WDR72: variants seen among roughly 807,000 people sequenced by gnomAD.
The protein encoded by WDR72 is WD repeat domain 72.
In WDR72, 120 loss-of-function variants were observed where a neutral mutation model predicts 124.2. That is an observed-to-expected ratio of 0.97 (90% CI 0.83 to 1.12). WDR72 has a LOEUF of 1.12. Among genes scored for constraint, WDR72 ranks in the 50% most tolerant of loss-of-function variants. The pLI, the probability that WDR72 is intolerant of heterozygous loss-of-function variation, is 0.00. For synonymous variants in WDR72, 452 were observed against 441.7 expected, an observed-to-expected ratio of 1.02 and a Z score of -0.29; for missense variants, 1,387 against 1,278.8, an observed-to-expected ratio of 1.08 and a Z score of -1.29.
Position 53,714,426 on chromosome 15 carries a change from A to G in WDR72, c.591+8T>C. The G allele has an allele frequency of 6.2e-7, 1 of 1,612,954 alleles. No homozygotes were observed. The highest frequency in any genetic ancestry group is 2.2e-5 in the East Asian group (1 of 44,838). On this transcript the variant is annotated splice_region_variant and intron_variant, in intron 6 of 19. Transcript: ENST00000360509. ...GTAAGGAAAAAAGAGTAGGGTTCCC[A>G]AGCCAACCTGAATGCTGTTGATAGA...
intron 18 of WDR72, among the ~76,000 whole-genome samples, chr15:53,548,997 G>A (rs370319478): frequency 2.6e-5 from 4 of 152,140 alleles, no homozygotes; most frequent in African/African-American, 9.7e-5. Flanking sequence ...CAATAACCAT[G>A]CCCCAGGTAT....
intron 9 of WDR72, 70 bp downstream of exon 9, chr15:53,710,783 TGACA>T: frequency 8.0e-7 from 1 of 1,248,560 alleles, no homozygotes; most frequent in Non-Finnish European, 1.2e-6. Flanking sequence ...CCTGATTCTG[TGACA>T]GACAAAGCAA....
chr15:53,586,985 G>A (rs1595776897), intron 18 of WDR72, among the ~76,000 whole-genome samples: 2 of 152,104 alleles, frequency 1.3e-5, no homozygotes, highest in South Asian at 4.1e-4. Flanking sequence ...TCTCGGTAGG[G>A]TTGGTACTGC....
At position 53,615,856 on chromosome 15, in the gene WDR72, T is replaced by A. The variant is rs1334406422; in HGVS notation, c.2350A>T (p.Arg784Ter). 1 of 1,613,698 alleles carries A rather than the reference T, an allele frequency of 6.2e-7. No individual in the cohort carries two copies. The highest frequency in any genetic ancestry group is 1.7e-5 in the Admixed American group (1 of 59,946). The stretch of plus-strand genomic sequence containing the variant: ...ATTGTGAGACTGGCATCTACTTTTC[T>A]TGATGGCTTAGGCTGCATTTTTTTG... ...ISKKMQPKPS[R>*]KVDASLTIDT... Residue 784 changes from arginine (R) to a stop codon, truncating the protein, a stop_gained, in exon 15 of 20, where the codon AGA becomes TGA. Transcript: ENST00000360509. LOFTEE classifies it high-confidence loss of function.
chr15:53,726,642 G>C (rs2018047196), intron 2 of WDR72, among the ~76,000 whole-genome samples: 1 of 151,966 alleles, frequency 6.6e-6, no homozygotes. Context: ...AGAAATTCAA[G>C]ACCAGCCTGG....
chr15:53,642,201 A>G (rs2014878223), intron 14 of WDR72, among the ~76,000 whole-genome samples: 1 of 152,052 alleles, frequency 6.6e-6, no homozygotes, highest in Admixed American at 6.6e-5. Context: ...GAAGAGTGAC[A>G]TTATAATAGC....
intron 12 of WDR72, among the ~76,000 whole-genome samples, 164 bp from the exon 13 acceptor site, chr15:53,700,109 G>C (rs1247312426): frequency 6.6e-6 from 1 of 152,064 alleles, no homozygotes; most frequent in Non-Finnish European, 1.5e-5. Flanking sequence ...CCTCTACAGA[G>C]GAGCTTTAAA....
intron 1 of WDR72, among the ~76,000 whole-genome samples, chr15:53,743,639 T>C (rs1371542750): frequency 6.6e-6 from 1 of 152,200 alleles, no homozygotes; most frequent in African/African-American, 2.4e-5. Flanking sequence ...CCGGTTTTAA[T>C]ATTGATTTTT....
chr15:53,572,235 T>C (rs548296820), intron 18 of WDR72, among the ~76,000 whole-genome samples: 37 of 152,314 alleles, frequency 2.4e-4, no homozygotes, highest in African/African-American at 8.7e-4. Flanking sequence ...CCCACTTGTT[T>C]ATTTTTGCTT....
chr15:53,602,489 G>A (rs1351007794), intron 17 of WDR72, among the ~76,000 whole-genome samples: 1 of 151,628 alleles, frequency 6.6e-6, no homozygotes, highest in Non-Finnish European at 1.5e-5. Context: ...CAAAATCAGA[G>A]CTGAACTAAA....
intron 3 of WDR72, among the ~76,000 whole-genome samples, chr15:53,719,152 A>T (rs2017801291): frequency 6.6e-6 from 1 of 152,190 alleles, no homozygotes; most frequent in Admixed American, 6.6e-5. Flanking sequence ...AGTTTTGATC[A>T]AACTTTAATG....
At position 53,706,348 on chromosome 15, in the gene WDR72, GTGTATATATATATATATATATA is replaced by G. The variant is rs1214778078; in HGVS notation, c.955-296_955-275del. Among the ~76,000 whole-genome samples the G allele has an allele frequency of 5.4e-3, 308 of 57,380 alleles. 6 individuals carry two copies. Among genetic ancestry groups the G allele is most frequent in the African/African-American group, 0.027 (272 of 10,218 alleles). 37.6% of individuals were successfully genotyped at this position (57,380 alleles called of 152,430 possible). A position where few individuals can be genotyped will look rare whatever the true frequency, so the allele number is the denominator to read the frequency against. ...TATATGTGCGTGTGTGTGTGTGTGTGTGTATATATATATATATATATATATATATATATATATATATATATAT... is the reference window on the plus strand; with the variant it reads ...TATATGTGCGTGTGTGTGTGTGTGTGTATATATATATATATATATATATAT... On this transcript the variant is annotated intron_variant, in intron 9 of 19. Coordinates refer to ENST00000360509, the MANE Select transcript of WDR72 (RefSeq NM_182758.4).
chr15:53,568,627 A>AT (rs1286264532), intron 18 of WDR72, among the ~76,000 whole-genome samples: 5 of 151,654 alleles, frequency 3.3e-5, no homozygotes, highest in Non-Finnish European at 4.4e-5. Context: ...CTAAGAATTT[A>AT]TTTTTTTTGA....
At chr15:53,733,371 T>C (rs145338396) in intron 1 of WDR72, among the ~76,000 whole-genome samples, 19 of 152,304 alleles carry the variant, frequency 1.2e-4, no homozygotes, top group African/African-American at 4.6e-4. Flanking sequence ...CAAACAAGAA[T>C]GACTTATCTT....
chr15:53,752,490 G>T (rs1483923650), intron 1 of WDR72, among the ~76,000 whole-genome samples: 1 of 152,120 alleles, frequency 6.6e-6, no homozygotes. Flanking sequence ...ACTTCTGCAG[G>T]CCAAGGAACA....
intron 18 of WDR72, among the ~76,000 whole-genome samples, chr15:53,561,434 G>A (rs969696664): frequency 6.6e-5 from 10 of 151,774 alleles, no homozygotes; most frequent in East Asian, 1.9e-4. Flanking sequence ...GCTTAAAGCC[G>A]TCAGCAAAGA....
At chr15:53,715,404 C>T in intron 4 of WDR72, 37 bp from the exon 5 acceptor site, 3 of 1,610,416 alleles carry the variant, frequency 1.9e-6, no homozygotes, top group Non-Finnish European at 1.7e-6. Context: ...ATTTAATTAT[C>T]ACTAAAATTA....
intron 11 of WDR72, among the ~76,000 whole-genome samples, chr15:53,703,357 T>C (rs1190712194): frequency 6.6e-6 from 1 of 152,168 alleles, no homozygotes; most frequent in Non-Finnish European, 1.5e-5. Context: ...TCAGAGAGGT[T>C]AAGTGACTTG....
At chr15:53,698,386 C>A (rs1164514890) in intron 13 of WDR72, among the ~76,000 whole-genome samples, 1 of 152,078 alleles carries the variant, frequency 6.6e-6, no homozygotes, top group East Asian at 1.9e-4. Flanking sequence ...GATTTACAGG[C>A]TTATATTTTA....
Sources: allele counts gnomAD v4.1 joint callset (sites outside exome capture counted in the v4.1 genomes callset), GRCh38; gene constraint gnomAD v4.1.1; transcripts MANE v1.5; gene names NCBI Gene and HGNC (gene_info 2026-07-23, HGNC 2026-07-21).